ARMC2: variants seen among roughly 807,000 people sequenced by gnomAD.
The protein encoded by ARMC2 is armadillo repeat-containing protein 2.
In ARMC2, 67 loss-of-function variants were observed where a neutral mutation model predicts 90.3. The ratio of observed to expected loss-of-function variants is 0.74; its 90% CI spans 0.61 to 0.91. The LOEUF is 0.91. ARMC2 is among the 40% of genes least tolerant of loss of function. The pLI is 0.00. For synonymous variants in ARMC2, 393 were observed against 393.0 expected (o/e 1.00, Z 0.00); for missense variants, 920 against 1,030.9 (o/e 0.89, Z 1.47).
chr6:108,955,246 T>C (rs899407128), intron 13 of ARMC2, among the ~76,000 whole-genome samples: 1 of 152,096 alleles, frequency 6.6e-6, no homozygotes, highest in Non-Finnish European at 1.5e-5. Flanking sequence ...GAATTCGGCC[T>C]ATATGGTGGA....
chr6:109,001,346 T>C, the ARMC2 span: 17 of 1,613,776 alleles, frequency 1.1e-5, no homozygotes, highest in African/African-American at 1.3e-5. Flanking sequence ...TTGCAGTAGA[T>C]AGTGCTGAGT....
chr6:108,960,407 G>A (rs947586021), intron 13 of ARMC2, among the ~76,000 whole-genome samples: 2 of 152,220 alleles, frequency 1.3e-5, no homozygotes, highest in African/African-American at 4.8e-5. Flanking sequence ...TCTGGAGACT[G>A]AGTGGGAGGC....
At chr6:108,892,219 C>G (rs1274329104) in intron 5 of ARMC2, among the ~76,000 whole-genome samples, 3 of 152,110 alleles carry the variant, frequency 2.0e-5, no homozygotes, top group African/African-American at 7.2e-5. Flanking sequence ...TGAGAACTTC[C>G]TTGGCTCCAC....
chr6:108,865,565 A>G (rs1220616502), intron 3 of ARMC2, among the ~76,000 whole-genome samples: 1 of 152,236 alleles, frequency 6.6e-6, no homozygotes, highest in African/African-American at 2.4e-5. Flanking sequence ...CAGTAGTAAA[A>G]TGGAACCGAA....
the ARMC2 span, among the ~76,000 whole-genome samples, chr6:109,043,300 T>G: frequency 6.6e-6 from 1 of 152,086 alleles, no homozygotes; most frequent in Non-Finnish European, 1.5e-5. Flanking sequence ...ATATTTACTC[T>G]CACCACTCTT....
Position 108,953,123 on chromosome 6 carries a change from A to G in ARMC2, c.1687A>G (p.Ile563Val). Residue 563 changes from isoleucine (I) to valine (V), a missense_variant, in exon 13 of 18, where the codon ATC becomes GTC. Coordinates refer to ENST00000392644, the MANE Select transcript of ARMC2 (RefSeq NM_032131.6). ...REQFSKEKGSIQTLLSLFQTF... is the reference protein window; with the variant it reads ...REQFSKEKGSVQTLLSLFQTF... ...ACAATTTTCCAAAGAGAAAGGGAGC[A>G]TCCAAACTCTGCTGTCATTATTCCA... The G allele has an allele frequency of 6.2e-7, 1 of 1,614,034 alleles. No individual in the cohort carries two copies. Among genetic ancestry groups the G allele is most frequent in the Non-Finnish European group, 8.5e-7 (1 of 1,179,888 alleles).
At chr6:108,903,721 G>T (rs983249804) in intron 7 of ARMC2, among the ~76,000 whole-genome samples, 1 of 152,072 alleles carries the variant, frequency 6.6e-6, no homozygotes, top group Non-Finnish European at 1.5e-5. Context: ...GTAACCTAAG[G>T]TAATGTTTGT....
In ARMC2 at chr6:108,973,621, T is replaced by A. The variant is rs1381256997; in HGVS notation, c.*107T>A. On this transcript the variant is annotated 3_prime_UTR_variant, in exon 18 of 18. Transcript: ENST00000392644. ...CAGCATTAACAAATGTGGAAAGTTT[T>A]TCAAGAACTGGTTTTAGTGAGTAGC... 8.5e-7 allele frequency: 1 copy of A among 1,179,678 alleles called. No individual in the cohort carries two copies. The highest frequency in any genetic ancestry group is 1.2e-6 in the Non-Finnish European group (1 of 861,626). The allele number at this position is 1,179,678 out of a possible 1,614,324, so 73.1% of individuals were successfully genotyped here. A position where few individuals can be genotyped will look rare whatever the true frequency, so the allele number is the denominator to read the frequency against.
At chr6:108,932,312 C>T (rs566941469) in intron 11 of ARMC2, among the ~76,000 whole-genome samples, 10 of 151,782 alleles carry the variant, frequency 6.6e-5, no homozygotes, top group South Asian at 6.2e-4. Flanking sequence ...AATCTTTGCC[C>T]GTTCCTATGT....
At chr6:108,882,287 A>T (rs958009995) in intron 5 of ARMC2, among the ~76,000 whole-genome samples, 1 of 151,984 alleles carries the variant, frequency 6.6e-6, no homozygotes, top group Non-Finnish European at 1.5e-5. Flanking sequence ...ATACAAAAAA[A>T]AATTAGCTGG....
the ARMC2 span, among the ~76,000 whole-genome samples, chr6:109,022,584 A>C: frequency 6.6e-6 from 1 of 151,022 alleles, no homozygotes; most frequent in Non-Finnish European, 1.5e-5. Context: ...AATTTTTTGT[A>C]TTATTTATTT....
chr6:109,033,159 C>T, the ARMC2 span, among the ~76,000 whole-genome samples: 2 of 152,010 alleles, frequency 1.3e-5, no homozygotes, highest in African/African-American at 2.4e-5. Context: ...TTAAGAGAAA[C>T]TTCTAGGATA....
chr6:108,869,090 G>T lies in ARMC2; in HGVS notation c.463+95G>T. 3.0e-6 allele frequency: 4 copies of T among 1,330,224 alleles called. No homozygotes were observed. In the South Asian group the frequency reaches 6.4e-5, roughly 21 times the overall value. The allele number at this position is 1,330,224 out of a possible 1,614,324, so 82.4% of individuals were successfully genotyped here. ...TTTTATATGATTTTTCCTAACCCTG[G>T]ATGATTTTTATATTAACTAAGATTA... is the stretch of plus-strand genomic sequence containing the variant. On this transcript the variant is annotated intron_variant, in intron 4 of 17. Coordinates refer to ENST00000392644, the MANE Select transcript of ARMC2 (RefSeq NM_032131.6).
chr6:108,879,697 A>T (rs1777329333), intron 5 of ARMC2, among the ~76,000 whole-genome samples: 3 of 152,106 alleles, frequency 2.0e-5, no homozygotes. Context: ...AAACGTTCAA[A>T]CTATCATGGT....
At chr6:108,867,193 A>G (rs1258009665) in intron 3 of ARMC2, among the ~76,000 whole-genome samples, 2 of 152,192 alleles carry the variant, frequency 1.3e-5, no homozygotes, top group Non-Finnish European at 2.9e-5. Context: ...TAGGCAAATA[A>G]CTGTGCTGAC....
At chr6:108,922,829 T>A (rs1047291119) in intron 10 of ARMC2, 7 of 152,222 alleles carry the variant, frequency 4.6e-5, no homozygotes, top group African/African-American at 1.7e-4. Context: ...ACCAGAAAGT[T>A]GTCAAGTGTA....
At chr6:108,881,176 T>C (rs971727306) in intron 5 of ARMC2, among the ~76,000 whole-genome samples, 3 of 151,860 alleles carry the variant, frequency 2.0e-5, no homozygotes, top group South Asian at 4.1e-4. Flanking sequence ...TTTTTCTTTT[T>C]TTTTTCTTTC....
chr6:108,989,725 CGAG>C, the ARMC2 span, among the ~76,000 whole-genome samples: 1 of 152,030 alleles, frequency 6.6e-6, no homozygotes. Flanking sequence ...GCAGGGGCTG[CGAG>C]GAGAAGGATG....
At chr6:108,875,557 C>T (rs1776851918) in intron 4 of ARMC2, among the ~76,000 whole-genome samples, 1 of 152,198 alleles carries the variant, frequency 6.6e-6, no homozygotes. Context: ...CCCTACCCTG[C>T]TGTACCCACC....
Sources: allele counts gnomAD v4.1 joint callset (sites outside exome capture counted in the v4.1 genomes callset), GRCh38; gene constraint gnomAD v4.1.1; transcripts MANE v1.5; gene names NCBI Gene and HGNC (gene_info 2026-07-23, HGNC 2026-07-21).